HMCN1: variants seen among roughly 807,000 people sequenced by gnomAD.
The protein encoded by HMCN1 is hemicentin-1.
HMCN1 carries 321 observed loss-of-function variants against 625.9 expected under a neutral mutation model. That is an observed-to-expected ratio of 0.51 (90% CI 0.47 to 0.56). HMCN1 has a LOEUF of 0.56. Among genes scored for constraint, HMCN1 ranks in the 20% least tolerant of loss-of-function variants. HMCN1 has a pLI of 0.00. For synonymous variants in HMCN1, 2,425 were observed against 2,417.6 expected (o/e 1.00, Z -0.09); for missense variants, 6,588 against 6,887.3 (o/e 0.96, Z 1.54).
intron 1 of HMCN1, among the ~76,000 whole-genome samples, chr1:185,813,895 T>C (rs545189147): frequency 6.6e-6 from 1 of 152,276 alleles, no homozygotes; most frequent in South Asian, 2.1e-4. Context: ...AAGTCAAGTT[T>C]AGACTCATCT....
intron 16 of HMCN1, among the ~76,000 whole-genome samples, chr1:185,980,348 T>A (rs1651528360): frequency 6.6e-6 from 1 of 152,184 alleles, no homozygotes; most frequent in Admixed American, 6.5e-5. Context: ...GATGTGCAAT[T>A]ATTACTAAAG....
At chr1:185,896,655 A>C (rs1294987752) in intron 4 of HMCN1, among the ~76,000 whole-genome samples, 1 of 152,226 alleles carries the variant, frequency 6.6e-6, no homozygotes, top group Admixed American at 6.5e-5. Flanking sequence ...CGGATGCCTC[A>C]AAACTTTGGT....
intron 2 of HMCN1, among the ~76,000 whole-genome samples, chr1:185,850,917 A>G (rs1036339177): frequency 3.3e-5 from 5 of 152,148 alleles, no homozygotes; most frequent in African/African-American, 9.7e-5. Context: ...GGAATACCAC[A>G]GAAGTGTTTT....
intron 1 of HMCN1, among the ~76,000 whole-genome samples, chr1:185,797,406 G>T (rs1445019793): frequency 6.6e-6 from 1 of 152,172 alleles, no homozygotes; most frequent in Non-Finnish European, 1.5e-5. Context: ...CTAGGCTTAA[G>T]CAGTCTTTCT....
intron 55 of HMCN1, among the ~76,000 whole-genome samples, chr1:186,078,862 T>C (rs1658990602): frequency 6.6e-6 from 1 of 152,196 alleles, no homozygotes; most frequent in Admixed American, 6.5e-5. Context: ...GTTGAAGAAG[T>C]ATTTTTCCTG....
intron 4 of HMCN1, among the ~76,000 whole-genome samples, chr1:185,888,306 A>C (rs1190834986): frequency 7.4e-6 from 1 of 135,468 alleles, no homozygotes; most frequent in East Asian, 2.0e-4. Flanking sequence ...GAAGCTCTTT[A>C]GTTTAATTAG....
intron 68 of HMCN1, among the ~76,000 whole-genome samples, chr1:186,103,145 A>AT (rs1345249105): frequency 6.6e-6 from 1 of 152,096 alleles, no homozygotes; most frequent in Non-Finnish European, 1.5e-5. Flanking sequence ...TAAAAAAAAA[A>AT]GTGGTACAAG....
intron 1 of HMCN1, among the ~76,000 whole-genome samples, chr1:185,796,245 T>A (rs558532094): frequency 3.9e-4 from 59 of 152,250 alleles, no homozygotes; most frequent in African/African-American, 1.4e-3. Flanking sequence ...ACGATAGGGT[T>A]TGTGCTCCTA....
At chr1:185,747,821 C>G (rs1308310976) in intron 1 of HMCN1, among the ~76,000 whole-genome samples, 2 of 152,054 alleles carry the variant, frequency 1.3e-5, no homozygotes, top group Non-Finnish European at 2.9e-5. Flanking sequence ...GCAATTTTTC[C>G]ATTAGCAGTA....
chr1:186,065,566 A>C (rs1658057072), intron 49 of HMCN1, 137 bp downstream of exon 49: 1 of 584,446 alleles, frequency 1.7e-6, no homozygotes, highest in Non-Finnish European at 2.9e-6. Flanking sequence ...GTGTACATTT[A>C]CTATTTTTCC....
In HMCN1 at chr1:185,990,391, C is replaced by T. The variant is rs1338362030; in HGVS notation, c.3325C>T (p.Pro1109Ser). The change falls in exon 22 of 107, where the codon CCC (proline) becomes TCC (serine). Residue 1109 changes from proline (P) to serine (S), a missense_variant. Pro to Ser is a moderately conservative substitution (Grantham distance 74). This residue lies in a region of HMCN1 where 4,628 missense variants were observed against 4,853.1 expected (regional missense o/e 0.95). Transcript: ENST00000271588. The stretch of plus-strand genomic sequence containing the variant: ...ATGTGAAGTGAAGAGCTTACCTCCA[C>T]CCATAATTACTTGGGCCAAAGAAAC... ...LPCEVKSLPP[P>S]IITWAKETQL... The T allele has an allele frequency of 1.2e-6, 2 of 1,613,930 alleles. No homozygotes were observed. The highest frequency in any genetic ancestry group is 8.5e-7 in the Non-Finnish European group (1 of 1,179,930).
intron 1 of HMCN1, among the ~76,000 whole-genome samples, chr1:185,845,263 G>C (rs1661738904): frequency 6.6e-6 from 1 of 152,034 alleles, no homozygotes; most frequent in African/African-American, 2.4e-5. Flanking sequence ...TGTCTCCCAG[G>C]CTGTAGTGCA....
chr1:186,146,414 A>G (rs748911618), intron 93 of HMCN1, among the ~76,000 whole-genome samples: 27 of 152,206 alleles, frequency 1.8e-4, no homozygotes, highest in African/African-American at 3.9e-4. Flanking sequence ...TCAGAAGTCT[A>G]TAACTCATGG....
rs753667642 is a variant in HMCN1, at chr1:186,145,812, G to C, written c.14497G>C (p.Gly4833Arg). ...CCAGTGCTCTGCCTCCTGTGGAGGAGGTGAAAAGACTCGGAAGCGGCTGTG... is the reference window on the plus strand; with the variant it reads ...CCAGTGCTCTGCCTCCTGTGGAGGACGTGAAAAGACTCGGAAGCGGCTGTG... ...WSQCSASCGG[G>R]EKTRKRLCDH... is the part of the protein sequence containing the mutation. The change falls in exon 93 of 107, where the codon GGT (glycine) becomes CGT (arginine). Residue 4833 changes from glycine (G) to arginine (R), a missense_variant. This residue lies in a region of HMCN1 where 1,954 missense variants were observed against 2,013.1 expected (regional missense o/e 0.97). Transcript: ENST00000271588. 1 of 1,613,984 alleles carries C rather than the reference G, an allele frequency of 6.2e-7. No homozygotes were observed. The highest frequency in any genetic ancestry group is 8.5e-7 in the Non-Finnish European group (1 of 1,180,018).
chr1:185,911,812 T>A (rs1045076954), intron 6 of HMCN1, 32 bp downstream of exon 6: 2 of 1,514,806 alleles, frequency 1.3e-6, no homozygotes, highest in Non-Finnish European at 1.8e-6. Context: ...TGTTTATTGT[T>A]TTATTTTGAA....
chr1:185,788,607 CT>C (rs1317450695), intron 1 of HMCN1, among the ~76,000 whole-genome samples: 1 of 152,164 alleles, frequency 6.6e-6, no homozygotes, highest in East Asian at 1.9e-4. Flanking sequence ...CCCTTAGACA[CT>C]GGCATTTTCA....
At chr1:186,142,532 T>C (rs891911689) in intron 89 of HMCN1, among the ~76,000 whole-genome samples, 2 of 152,220 alleles carry the variant, frequency 1.3e-5, no homozygotes, top group African/African-American at 4.8e-5. Context: ...AATAGTGGGA[T>C]TGCAGGGTCA....
At chr1:186,153,018 AAAAAT>A (rs1650773416) in intron 96 of HMCN1, 147 bp downstream of exon 96, 1 of 1,157,232 alleles carries the variant, frequency 8.6e-7, no homozygotes, top group African/African-American at 1.5e-5. Context: ...ATCTTTGTTT[AAAAAT>A]CTTCAGGGAC....
intron 10 of HMCN1, 22 bp from the exon 11 acceptor site, chr1:185,933,527 T>G (rs776815290): frequency 6.2e-7 from 1 of 1,613,654 alleles, no homozygotes; most frequent in Non-Finnish European, 8.5e-7. Context: ...TCTCTTGATT[T>G]GAATTTTTTG....
Sources: allele counts gnomAD v4.1 joint callset (sites outside exome capture counted in the v4.1 genomes callset), GRCh38; gene constraint gnomAD v4.1.1; regional missense constraint gnomAD v4.1.1; transcripts MANE v1.5; gene names NCBI Gene and HGNC (gene_info 2026-07-23, HGNC 2026-07-21).